Variants in ITPRID1 observed in about 807,000 individuals in gnomAD.
ITPRID1 encodes the protein ITPR interacting domain containing 1, also known as protein ITPRID1.
Under a neutral mutation model 95.4 loss-of-function variants are expected in ITPRID1, and 96 were observed. The ratio of observed to expected loss-of-function variants is 1.01; its 90% CI spans 0.85 to 1.19. ITPRID1 has a LOEUF of 1.19. Ranked by LOEUF, ITPRID1 falls within the 50% of genes most tolerant of loss-of-function variation. The pLI is 0.00. For synonymous variants in ITPRID1, 510 were observed against 453.6 expected (o/e 1.12, Z -1.58); for missense variants, 1,339 against 1,252.9 (o/e 1.07, Z -1.04).
At chr7:31,592,816 T>C (rs961218927) in intron 10 of ITPRID1, among the ~76,000 whole-genome samples, 1 of 152,000 alleles carries the variant, frequency 6.6e-6, no homozygotes, top group African/African-American at 2.4e-5. Flanking sequence ...CTAATAAAAA[T>C]AGTGTATGGA....
intron 10 of ITPRID1, among the ~76,000 whole-genome samples, chr7:31,602,572 G>C (rs555246986): frequency 6.6e-6 from 1 of 152,312 alleles, no homozygotes; most frequent in African/African-American, 2.4e-5. Context: ...GGACACCACA[G>C]TTATTGCCCT....
At chr7:31,634,857 G>C (rs1789335443) in intron 10 of ITPRID1, among the ~76,000 whole-genome samples, 1 of 152,198 alleles carries the variant, frequency 6.6e-6, no homozygotes, top group Non-Finnish European at 1.5e-5. Context: ...AGCAGAGTAA[G>C]GAAGAACTGT....
At chr7:31,559,215 T>G (rs1784548594) in intron 5 of ITPRID1, among the ~76,000 whole-genome samples, 1 of 152,188 alleles carries the variant, frequency 6.6e-6, no homozygotes, top group Admixed American at 6.5e-5. Flanking sequence ...CCCCTGCTAC[T>G]ACTCCAATAG....
chr7:31,658,458 A>G, downstream of ITPRID1: 1 of 1,358,964 alleles, frequency 7.4e-7, no homozygotes, highest in East Asian at 2.5e-5. Context: ...AAAATAGAAC[A>G]TTTGTAAAGA....
At chr7:31,575,903 GTA>G (rs1209457377) in intron 8 of ITPRID1, among the ~76,000 whole-genome samples, 1 of 151,510 alleles carries the variant, frequency 6.6e-6, no homozygotes, top group African/African-American at 2.4e-5. Flanking sequence ...TTTAAAAAGA[GTA>G]TGTAAAGCTG....
chr7:31,558,556 C>G (rs1414522823), intron 5 of ITPRID1, among the ~76,000 whole-genome samples: 3 of 152,074 alleles, frequency 2.0e-5, no homozygotes, highest in Non-Finnish European at 2.9e-5. Flanking sequence ...TATAAACTTG[C>G]AGTTATAAGA....
chr7:31,529,934 C>A, intron 1 of ITPRID1: 1 of 793,152 alleles, frequency 1.3e-6, no homozygotes, highest in Non-Finnish European at 2.0e-6. Context: ...GCAGCGATGG[C>A]GTGTTCTGAA....
At chr7:31,539,681 G>T (rs970655670) in intron 1 of ITPRID1, among the ~76,000 whole-genome samples, 1 of 152,206 alleles carries the variant, frequency 6.6e-6, no homozygotes. Context: ...AGATAAACCT[G>T]AGAGGGGCTT....
intron 1 of ITPRID1, among the ~76,000 whole-genome samples, chr7:31,548,397 C>A (rs1370031802): frequency 6.6e-6 from 1 of 151,960 alleles, no homozygotes; most frequent in Non-Finnish European, 1.5e-5. Context: ...GAAGCAGCAA[C>A]AAAGATCATA....
At chr7:31,640,488 G>T (rs1789921382) in intron 10 of ITPRID1, among the ~76,000 whole-genome samples, 1 of 152,200 alleles carries the variant, frequency 6.6e-6, no homozygotes. Context: ...AGCTTCAAGT[G>T]TCTGCAAGGC....
chr7:31,589,234 T>C (rs1483547946), intron 10 of ITPRID1, among the ~76,000 whole-genome samples: 1 of 152,062 alleles, frequency 6.6e-6, no homozygotes, highest in Non-Finnish European at 1.5e-5. Flanking sequence ...AAGAAAGACT[T>C]GGTGGATTTT....
chr7:31,537,095 T>TTGTGTGTGTGTGTGTGTG (rs66543091), intron 1 of ITPRID1, among the ~76,000 whole-genome samples: 9 of 145,568 alleles, frequency 6.2e-5, no homozygotes, highest in African/African-American at 2.3e-4. Context: ...GGTGTGTGTG[T>TTGTGTGTGTGTGTGTGTG]TGTGTGTGTG....
intron 1 of ITPRID1, among the ~76,000 whole-genome samples, chr7:31,521,709 C>CCCTT (rs1224431436): frequency 1.2e-4 from 10 of 80,486 alleles, no homozygotes; most frequent in Middle Eastern, 5.4e-3. Context: ...CTCCCTCCCT[C>CCCTT]CCTTCCTTCC....
intron 10 of ITPRID1, among the ~76,000 whole-genome samples, chr7:31,599,282 G>C (rs1786241584): frequency 6.6e-6 from 1 of 152,126 alleles, no homozygotes; most frequent in Admixed American, 6.5e-5. Context: ...ACAAATATAA[G>C]TTGGGGGTAA....
Position 31,554,611 on chromosome 7 carries a change from G to A in ITPRID1, c.212+88G>A, listed in dbSNP as rs1417876866. On this transcript the variant is annotated intron_variant, in intron 4 of 14. Coordinates refer to ENST00000615280, the MANE Select transcript of ITPRID1 (RefSeq NM_001257967.3). The stretch of plus-strand genomic sequence containing the variant: ...TGTGTAACTCTGCCTGGGCAAGGTC[G>A]GGGAAGTGTAGGGATTTTCATTTTA... The A allele has an allele frequency of 1.2e-5, 18 of 1,511,474 alleles. No individual in the cohort carries two copies. In the South Asian group the frequency reaches 1.3e-4, roughly 11 times the overall value. 93.6% of individuals were successfully genotyped at this position (1,511,474 alleles called of 1,614,324 possible). A position where few individuals can be genotyped will look rare whatever the true frequency, so the allele number is the denominator to read the frequency against.
intron 1 of ITPRID1, among the ~76,000 whole-genome samples, chr7:31,518,795 C>G (rs1783127698): frequency 6.6e-6 from 1 of 152,086 alleles, no homozygotes. Context: ...TGTAAATTTG[C>G]AAGGACAAAT....
chr7:31,650,589 C>T (rs1790858921), intron 12 of ITPRID1, among the ~76,000 whole-genome samples: 1 of 152,188 alleles, frequency 6.6e-6, no homozygotes, highest in African/African-American at 2.4e-5. Flanking sequence ...CTGCCTTCCT[C>T]AGGGTGGGCT....
At chr7:31,564,973 A>C (rs1254685245) in intron 5 of ITPRID1, among the ~76,000 whole-genome samples, 1 of 152,172 alleles carries the variant, frequency 6.6e-6, no homozygotes, top group Non-Finnish European at 1.5e-5. Context: ...AGGCAAAGGG[A>C]AGCAGGACCT....
At chr7:31,585,879 T>A (rs548322646) in intron 10 of ITPRID1, among the ~76,000 whole-genome samples, 76 of 151,980 alleles carry the variant, frequency 5.0e-4, no homozygotes, top group African/African-American at 1.8e-3. Context: ...AGGGTACATG[T>A]GCACATTGTG....
Sources: gnomAD v4.1 joint callset for allele counts (sites outside exome capture counted in the v4.1 genomes callset) on GRCh38, gnomAD v4.1.1 for gene constraint, MANE v1.5 for transcripts, NCBI Gene and HGNC (gene_info 2026-07-23, HGNC 2026-07-21) for gene names.